Variants in ARHGAP42 observed in about 807,000 individuals in gnomAD.
ARHGAP42 encodes the protein rho GTPase-activating protein 42.
Under a neutral mutation model 125.0 loss-of-function variants are expected in ARHGAP42, and 63 were observed. That is an observed-to-expected ratio of 0.50 (90% confidence interval 0.41 to 0.62). The LOEUF is 0.62. ARHGAP42 is among the 20% of genes least tolerant of loss of function. The pLI, the probability that ARHGAP42 is intolerant of heterozygous loss-of-function variation, is 0.00. For missense variants in ARHGAP42, 766 were observed against 1,024.2 expected (o/e 0.75, Z 3.44); for synonymous variants, 339 against 351.0 (o/e 0.97, Z 0.38).
chr11:100,771,079 T>A (rs1862967167), intron 2 of ARHGAP42, among the ~76,000 whole-genome samples: 1 of 152,006 alleles, frequency 6.6e-6, no homozygotes, highest in Non-Finnish European at 1.5e-5. Flanking sequence ...TTTTTCTTAA[T>A]ACTGGTTTCT....
intron 3 of ARHGAP42, among the ~76,000 whole-genome samples, chr11:100,802,573 C>T (rs866821453): frequency 1.5e-4 from 23 of 151,974 alleles, no homozygotes; most frequent in Middle Eastern, 6.8e-3. Context: ...TACAGGCGCA[C>T]GCCACTACAC....
chr11:100,952,196 G>A (rs1436459803), intron 12 of ARHGAP42, among the ~76,000 whole-genome samples: 1 of 151,924 alleles, frequency 6.6e-6, no homozygotes, highest in African/African-American at 2.4e-5. Flanking sequence ...AAACTAAGTC[G>A]TTTTCACTTT....
intron 4 of ARHGAP42, among the ~76,000 whole-genome samples, chr11:100,900,331 T>C (rs613667): frequency 0.8 from 121,089 of 152,134 alleles, 48,651 homozygotes; most frequent in East Asian, 1. Flanking sequence ...TCTCTGGCTG[T>C]GCTTAACATT....
intron 1 of ARHGAP42, among the ~76,000 whole-genome samples, chr11:100,704,433 A>G (rs975119192): frequency 1.1e-4 from 16 of 152,174 alleles, no homozygotes; most frequent in African/African-American, 9.7e-5. Flanking sequence ...AATCCTGAAC[A>G]GGGAAAGTGC....
chr11:100,764,716 G>A (rs1198175854), intron 1 of ARHGAP42, among the ~76,000 whole-genome samples: 1 of 152,174 alleles, frequency 6.6e-6, no homozygotes, highest in East Asian at 1.9e-4. Context: ...ACATCCAGGG[G>A]CTTGGAGTAT....
intron 3 of ARHGAP42, among the ~76,000 whole-genome samples, chr11:100,819,002 C>T (rs1315469608): frequency 6.6e-6 from 1 of 152,014 alleles, no homozygotes; most frequent in Non-Finnish European, 1.5e-5. Context: ...TAATAAAGAC[C>T]TTAGAAACCA....
chr11:100,869,650 TAATC>T (rs1865655691), intron 4 of ARHGAP42, among the ~76,000 whole-genome samples: 2 of 152,156 alleles, frequency 1.3e-5, no homozygotes. Flanking sequence ...GATAGGAACA[TAATC>T]AAGAAGCCAT....
chr11:100,876,525 T>A (rs1865828183), intron 4 of ARHGAP42, among the ~76,000 whole-genome samples: 1 of 152,218 alleles, frequency 6.6e-6, no homozygotes, highest in South Asian at 2.1e-4. Context: ...ATGTGGTGAA[T>A]CTCATCACGG....
intron 1 of ARHGAP42, among the ~76,000 whole-genome samples, chr11:100,760,708 A>G (rs1862681138): frequency 6.6e-6 from 1 of 151,252 alleles, no homozygotes; most frequent in Admixed American, 6.6e-5. Flanking sequence ...CTCAAAAAGA[A>G]AAAAAAAAGG....
At chr11:100,756,061 G>C (rs763381530) in intron 1 of ARHGAP42, among the ~76,000 whole-genome samples, 1 of 151,842 alleles carries the variant, frequency 6.6e-6, no homozygotes, top group Non-Finnish European at 1.5e-5. Flanking sequence ...TAATATTTTA[G>C]CATTTCTAAA....
At chr11:100,780,208 TA>T (rs1863271950) in intron 2 of ARHGAP42, among the ~76,000 whole-genome samples, 1 of 152,032 alleles carries the variant, frequency 6.6e-6, no homozygotes, top group South Asian at 2.1e-4. Context: ...GTGTACAAAC[TA>T]AAGGATAAGG....
chr11:100,974,415 A>G (rs1271127595), intron 18 of ARHGAP42, 44 bp from the exon 19 acceptor site: 7 of 1,530,594 alleles, frequency 4.6e-6, no homozygotes, highest in African/African-American at 2.8e-5. Context: ...GAAAGTGGCA[A>G]TATCACCCTT....
intron 17 of ARHGAP42, among the ~76,000 whole-genome samples, chr11:100,970,484 AGCTTGTT>A (rs1858211121): frequency 6.6e-6 from 1 of 152,054 alleles, no homozygotes; most frequent in Admixed American, 6.6e-5. Flanking sequence ...TATCACATCC[AGCTTGTT>A]AGTTTTCACT....
intron 4 of ARHGAP42, among the ~76,000 whole-genome samples, chr11:100,897,315 C>A (rs1309431270): frequency 6.6e-6 from 1 of 152,176 alleles, no homozygotes; most frequent in Non-Finnish European, 1.5e-5. Flanking sequence ...ATTGACTTGG[C>A]AATGCTGTCT....
At chr11:100,950,935 C>T (rs1340101361) in intron 12 of ARHGAP42, among the ~76,000 whole-genome samples, 1 of 151,898 alleles carries the variant, frequency 6.6e-6, no homozygotes, top group Non-Finnish European at 1.5e-5. Context: ...AGCCTGGTCT[C>T]TAACTATTGG....
At chr11:100,766,394 T>C (rs1346635242) in intron 1 of ARHGAP42, among the ~76,000 whole-genome samples, 2 of 152,222 alleles carry the variant, frequency 1.3e-5, no homozygotes, top group African/African-American at 4.8e-5. Context: ...AAAAGTTGAC[T>C]CTTTAGTATG....
intron 4 of ARHGAP42, among the ~76,000 whole-genome samples, chr11:100,903,155 A>ACC (rs1555021106): frequency 1.7e-4 from 25 of 151,010 alleles, no homozygotes; most frequent in Non-Finnish European, 2.7e-4. Flanking sequence ...ACACACACAC[A>ACC]CCAAGCTTTA....
At chr11:100,699,222 A>G (rs1200270050) in intron 1 of ARHGAP42, among the ~76,000 whole-genome samples, 7 of 151,892 alleles carry the variant, frequency 4.6e-5, no homozygotes, top group Non-Finnish European at 8.8e-5. Flanking sequence ...CTGTCAAAAA[A>G]TAAGTTTTTC....
At position 100,693,830 on chromosome 11, in the gene ARHGAP42, A is replaced by T. The variant is rs78759984; in HGVS notation, c.154+5998A>T. Among the ~76,000 whole-genome samples the T allele has an allele frequency of 5.4e-3, 821 of 152,296 alleles. 10 individuals carry two copies. Among genetic ancestry groups the T allele is most frequent in the African/African-American group, 0.019 (788 of 41,564 alleles). ...TTAGCAACTGTCCATTCATTTATTA[A>T]CATTTCTTGGAGTACAGTGCTGATT... On this transcript the variant is annotated intron_variant, in intron 1 of 23. Coordinates refer to ENST00000298815, the MANE Select transcript of ARHGAP42 (RefSeq NM_152432.4).
Sources: allele counts gnomAD v4.1 joint callset (sites outside exome capture counted in the v4.1 genomes callset), GRCh38; gene constraint gnomAD v4.1.1; transcripts MANE v1.5; gene names NCBI Gene and HGNC (gene_info 2026-07-23, HGNC 2026-07-21).